Variants in COL6A6 observed in about 807,000 individuals in gnomAD.
COL6A6 encodes collagen alpha-6(VI) chain.
COL6A6 carries 183 observed loss-of-function variants against 208.6 expected under a neutral mutation model. The ratio of observed to expected loss-of-function variants is 0.88; its 90% CI spans 0.78 to 0.99. The LOEUF (loss-of-function observed/expected upper bound fraction) is 0.99. Among genes scored for constraint, COL6A6 ranks in the 50% least tolerant of loss-of-function variants. COL6A6 has a pLI of 0.00. For synonymous variants in COL6A6, 973 were observed against 1,011.8 expected (o/e 0.96, Z 0.73); for missense variants, 2,816 against 2,815.2 (o/e 1.00, Z -0.01).
At chr3:130,600,583 G>A (rs2063984123) in intron 20 of COL6A6, among the ~76,000 whole-genome samples, 1 of 152,148 alleles carries the variant, frequency 6.6e-6, no homozygotes, top group Non-Finnish European at 1.5e-5. Flanking sequence ...GATGAAGCTG[G>A]AGCCATCATC....
chr3:130,641,227 A>G (rs1373419068), intron 28 of COL6A6, among the ~76,000 whole-genome samples: 1 of 145,512 alleles, frequency 6.9e-6, no homozygotes, highest in Non-Finnish European at 1.6e-5. Context: ...TGCCTGTTAC[A>G]ACAACAAACA....
At chr3:130,548,633 A>G (rs1201769087) in intron 1 of COL6A6, among the ~76,000 whole-genome samples, 3 of 152,230 alleles carry the variant, frequency 2.0e-5, no homozygotes, top group East Asian at 1.9e-4. Context: ...TGCCAGAAGC[A>G]TGAGGGTTTT....
intron 12 of COL6A6, chr3:130,589,938 A>C: frequency 2.3e-6 from 1 of 444,124 alleles, no homozygotes; most frequent in Non-Finnish European, 4.5e-6. Context: ...TATGTCTCTG[A>C]AAGTTTTTGG....
chr3:130,556,940 T>A (rs905224791), intron 1 of COL6A6, among the ~76,000 whole-genome samples: 5 of 152,230 alleles, frequency 3.3e-5, no homozygotes, highest in African/African-American at 4.8e-5. Context: ...GCGTTCAGTG[T>A]TCAAATGTGC....
chr3:130,535,216 C>T lies in COL6A6; in HGVS notation c.-32+17819C>T, dbSNP rs187421078. Among the ~76,000 whole-genome samples, 23 of 152,142 alleles carry T rather than the reference C, an allele frequency of 1.5e-4. No individual in the cohort carries two copies. The East Asian group carries it at 4.4e-3, about 29-fold the overall frequency. On this transcript the variant is annotated intron_variant, in intron 1 of 36. Transcript: ENST00000358511. ...TTATATTTTCTGTATCTTTATTTTT[C>T]TTTGCTTTACTCTGGGTAACTAATT...
chr3:130,660,489 C>A (rs1397306925), intron 34 of COL6A6, among the ~76,000 whole-genome samples: 1 of 152,214 alleles, frequency 6.6e-6, no homozygotes, highest in African/African-American at 2.4e-5. Context: ...ATATCCAGTA[C>A]CAACTGTCCA....
chr3:130,618,807 A>C (rs2064615547), intron 23 of COL6A6, among the ~76,000 whole-genome samples: 1 of 152,216 alleles, frequency 6.6e-6, no homozygotes, highest in South Asian at 2.1e-4. Context: ...TTTATTTTGA[A>C]AGTTCTTAAA....
At chr3:130,639,241 G>A (rs1446103490) in intron 28 of COL6A6, among the ~76,000 whole-genome samples, 2 of 126,846 alleles carry the variant, frequency 1.6e-5, no homozygotes, top group Non-Finnish European at 3.0e-5. Flanking sequence ...TTTGTTTCAT[G>A]ATTAAAATAT....
chr3:130,606,856 T>G (rs2064197207), intron 20 of COL6A6, 75 bp from the exon 21 acceptor site: 1 of 1,161,674 alleles, frequency 8.6e-7, no homozygotes, highest in Non-Finnish European at 1.3e-6. Context: ...CCTTAAAGTG[T>G]CCATTATGAA....
chr3:130,529,208 A>G (rs573359820), intron 1 of COL6A6, among the ~76,000 whole-genome samples: 339 of 151,692 alleles, frequency 2.2e-3, no homozygotes, highest in African/African-American at 7.9e-3. Flanking sequence ...TAATTCTGAG[A>G]GATCATCAGT....
At position 130,649,371 on chromosome 3, in the gene COL6A6, T is replaced by C. The variant is rs200406299; in HGVS notation, c.5542T>C (p.Phe1848Leu). Residue 1848 changes from phenylalanine to leucine, a missense_variant, in exon 33 of 37, where the codon TTT (phenylalanine) becomes CTT (leucine). By Grantham distance (22) the Phe-to-Leu change is conservative (BLOSUM62 0). Transcript: ENST00000358511. ...CAGGGAGATTGGCAGAGCAATGCGGTTTATTTCCAGGAATGTCTTCAAGCG... is the reference window on the plus strand; with the variant it reads ...CAGGGAGATTGGCAGAGCAATGCGGCTTATTTCCAGGAATGTCTTCAAGCG... ...ASREIGRAMRFISRNVFKRTL... is the reference protein window; with the variant it reads ...ASREIGRAMRLISRNVFKRTL... 3.0e-5 allele frequency: 48 copies of C among 1,612,296 alleles called. No individual in the cohort carries two copies. In the African/African-American group the frequency reaches 4.0e-4, roughly 13 times the overall value.
chr3:130,616,778 G>A (rs1212141406), intron 23 of COL6A6, among the ~76,000 whole-genome samples: 2 of 152,090 alleles, frequency 1.3e-5, no homozygotes, highest in Non-Finnish European at 2.9e-5. Context: ...ATACGGTCTG[G>A]AGCCAGACTG....
chr3:130,606,869 T>G, intron 20 of COL6A6, 62 bp from the exon 21 acceptor site: 1 of 1,342,048 alleles, frequency 7.5e-7, no homozygotes, highest in Non-Finnish European at 1.0e-6. Flanking sequence ...ATTATGAATT[T>G]AAATCATATA....
At chr3:130,645,880 A>T (rs1327261474) in intron 32 of COL6A6, among the ~76,000 whole-genome samples, 1 of 152,226 alleles carries the variant, frequency 6.6e-6, no homozygotes, top group Non-Finnish European at 1.5e-5. Flanking sequence ...TACCTTTTGT[A>T]TAAGCCCACA....
chr3:130,543,247 T>C (rs1488416746), intron 1 of COL6A6, among the ~76,000 whole-genome samples: 1 of 152,182 alleles, frequency 6.6e-6, no homozygotes, highest in Non-Finnish European at 1.5e-5. Flanking sequence ...TAAAGTGGGC[T>C]TCCTGTGCAG....
intron 21 of COL6A6, among the ~76,000 whole-genome samples, chr3:130,607,731 A>G (rs2064227561): frequency 6.6e-6 from 1 of 152,214 alleles, no homozygotes; most frequent in African/African-American, 2.4e-5. Flanking sequence ...ATAATCGTTA[A>G]CTTAGAATTT....
chr3:130,646,997 C>A (rs1315404736), intron 32 of COL6A6, among the ~76,000 whole-genome samples: 1 of 152,138 alleles, frequency 6.6e-6, no homozygotes. Flanking sequence ...GGATAAGGAC[C>A]ATCAGTGTTG....
At chr3:130,608,853 C>CA in intron 21 of COL6A6, 49 bp from the exon 22 acceptor site, 2 of 1,240,888 alleles carry the variant, frequency 1.6e-6, no homozygotes, top group African/African-American at 1.8e-5. Context: ...GTAAAGGAGA[C>CA]AAAATGTTCA....
At chr3:130,562,270 GC>G in intron 2 of COL6A6, among the ~76,000 whole-genome samples, 1 of 152,092 alleles carries the variant, frequency 6.6e-6, no homozygotes, top group East Asian at 1.9e-4. Context: ...AATGAATGAA[GC>G]TTTAAAGGTT....
Sources: allele counts gnomAD v4.1 joint callset (sites outside exome capture counted in the v4.1 genomes callset), GRCh38; gene constraint gnomAD v4.1.1; transcripts MANE v1.5; gene names NCBI Gene and HGNC (gene_info 2026-07-23, HGNC 2026-07-21).